Variants in UTRN observed in about 807,000 individuals in gnomAD.
UTRN encodes dystrophin-related protein 1.
Under a neutral mutation model 463.9 loss-of-function variants are expected in UTRN, and 283 were observed. The ratio of observed to expected loss-of-function variants is 0.61; its 90% confidence interval spans 0.55 to 0.67. The LOEUF (loss-of-function observed/expected upper bound fraction) is 0.67. Ranked by LOEUF, UTRN falls within the 30% of genes least tolerant of loss-of-function variation. The pLI is 0.00. For synonymous variants in UTRN, 1,442 were observed against 1,431.5 expected, an observed-to-expected ratio of 1.01 and a Z score of -0.17; for missense variants, 3,922 against 4,084.3, an observed-to-expected ratio of 0.96 and a Z score of 1.08.
chr6:144,576,305 G>T (rs772061256), intron 50 of UTRN, among the ~76,000 whole-genome samples: 1 of 152,036 alleles, frequency 6.6e-6, no homozygotes, highest in Non-Finnish European at 1.5e-5. Context: ...TTTTAAAATT[G>T]AGTTGTTTTC....
chr6:144,490,890 A>G, intron 31 of UTRN, 39 bp from the exon 32 acceptor site: 1 of 1,528,326 alleles, frequency 6.5e-7, no homozygotes, highest in Non-Finnish European at 8.8e-7. Flanking sequence ...AGAGATAATC[A>G]TCCTGATGGG....
At chr6:144,357,727 C>T (rs1006697626) in intron 2 of UTRN, among the ~76,000 whole-genome samples, 2 of 152,172 alleles carry the variant, frequency 1.3e-5, no homozygotes, top group Non-Finnish European at 2.9e-5. Flanking sequence ...CCTTTGAATC[C>T]ACGTAGGTGT....
chr6:144,708,846 C>T (rs915458345), intron 53 of UTRN, among the ~76,000 whole-genome samples: 9 of 152,056 alleles, frequency 5.9e-5, no homozygotes, highest in East Asian at 3.9e-4. Context: ...GTTCCAGAGG[C>T]GGGGAAGTTC....
chr6:144,719,108 C>T (rs1319845202), intron 53 of UTRN, among the ~76,000 whole-genome samples: 1 of 152,212 alleles, frequency 6.6e-6, no homozygotes, highest in East Asian at 1.9e-4. Context: ...CTTCCACAGA[C>T]CTACTTTGTA....
intron 42 of UTRN, among the ~76,000 whole-genome samples, chr6:144,532,712 A>AT (rs1056521383): frequency 7.2e-5 from 11 of 152,188 alleles, no homozygotes; most frequent in African/African-American, 2.7e-4. Flanking sequence ...GGGGTATATA[A>AT]TTTTTTAAAG....
At chr6:144,658,502 A>G (rs1039483831) in intron 51 of UTRN, among the ~76,000 whole-genome samples, 1 of 152,192 alleles carries the variant, frequency 6.6e-6, no homozygotes, top group Non-Finnish European at 1.5e-5. Context: ...TAAGCAACTC[A>G]TTAGCCCTTT....
At chr6:144,477,947 T>C (rs966173373) in intron 25 of UTRN, among the ~76,000 whole-genome samples, 2 of 152,092 alleles carry the variant, frequency 1.3e-5, no homozygotes, top group African/African-American at 4.8e-5. Context: ...AAATAATTCA[T>C]TGTGAATTAC....
chr6:144,481,352 C>T (rs118065548), intron 26 of UTRN, among the ~76,000 whole-genome samples: 2,160 of 152,264 alleles, frequency 0.014, 32 homozygotes, highest in African/African-American at 0.033. Context: ...TCCTGAATGT[C>T]AGATTGTTTA....
rs182750039 is a variant in UTRN, at chr6:144,514,544, G to A, written c.5074-106G>A. ...TGATTATGCTGAAATCTCTTACTGGGGATCCCAGATATTTATTTAAACTAC... is the reference window on the plus strand; with the variant it reads ...TGATTATGCTGAAATCTCTTACTGGAGATCCCAGATATTTATTTAAACTAC... On this transcript the variant is annotated intron_variant, in intron 36 of 74. Transcript: ENST00000367545. The A allele has an allele frequency of 6.4e-5, 77 of 1,196,016 alleles. 1 individual carries two copies. In the Admixed American group the frequency reaches 1.6e-3, roughly 25 times the overall value. The allele number at this position is 1,196,016 out of a possible 1,614,324, so 74.1% of individuals were successfully genotyped here.
chr6:144,331,461 T>C (rs1315811295), intron 2 of UTRN, among the ~76,000 whole-genome samples: 1 of 152,210 alleles, frequency 6.6e-6, no homozygotes, highest in Admixed American at 6.5e-5. Context: ...GTGTCTGTTG[T>C]ATGAAAGTCA....
intron 50 of UTRN, among the ~76,000 whole-genome samples, chr6:144,563,922 C>T (rs753040937): frequency 1.8e-4 from 27 of 152,144 alleles, no homozygotes; most frequent in Non-Finnish European, 2.9e-4. Flanking sequence ...GATATTTTCT[C>T]AGCACATTTA....
intron 59 of UTRN, among the ~76,000 whole-genome samples, chr6:144,772,515 G>A (rs933949112): frequency 3.9e-5 from 6 of 152,152 alleles, no homozygotes; most frequent in African/African-American, 1.4e-4. Context: ...TTGATTTACA[G>A]GGAGGAATGT....
At chr6:144,661,719 C>A (rs773721154) in intron 51 of UTRN, among the ~76,000 whole-genome samples, 1 of 152,016 alleles carries the variant, frequency 6.6e-6, no homozygotes, top group Non-Finnish European at 1.5e-5. Flanking sequence ...TTACTTAGAC[C>A]CCCTGAGAGG....
chr6:144,840,672 T>C (rs1219771649), intron 72 of UTRN, 68 bp from the exon 73 acceptor site: 22 of 1,555,974 alleles, frequency 1.4e-5, no homozygotes, highest in Non-Finnish European at 1.9e-5. Context: ...CCTCCTGAAT[T>C]TGGGTTTTAG....
intron 51 of UTRN, among the ~76,000 whole-genome samples, chr6:144,643,429 G>A (rs564793770): frequency 7.2e-5 from 11 of 152,196 alleles, no homozygotes; most frequent in Admixed American, 2.6e-4. Flanking sequence ...TCCTGTAAGA[G>A]AGTAGGTTGT....
chr6:144,707,823 G>A (rs1785241274), intron 53 of UTRN, among the ~76,000 whole-genome samples: 1 of 152,150 alleles, frequency 6.6e-6, no homozygotes, highest in Non-Finnish European at 1.5e-5. Flanking sequence ...CTAGGCATTT[G>A]TGTAAGAGTG....
At chr6:144,686,195 CAGTT>C (rs1463570490) in intron 52 of UTRN, among the ~76,000 whole-genome samples, 2 of 152,022 alleles carry the variant, frequency 1.3e-5, no homozygotes, top group Non-Finnish European at 1.5e-5. Context: ...TTGTCAAAAT[CAGTT>C]GGTTGTAAGT....
intron 3 of UTRN, 121 bp downstream of exon 3, chr6:144,403,305 G>A (rs939109409): frequency 2.5e-6 from 2 of 797,868 alleles, no homozygotes; most frequent in Non-Finnish European, 2.1e-6. Context: ...TTCTGAGTAT[G>A]CAGATACATT....
In UTRN at chr6:144,428,811, A is replaced by G. The variant is rs756709242; in HGVS notation, c.612A>G (p.Lys204=). 15 of 1,611,058 alleles carry G rather than the reference A, an allele frequency of 9.3e-6. No individual in the cohort carries two copies. Among genetic ancestry groups the G allele is most frequent in the Non-Finnish European group, 1.3e-5 (15 of 1,179,218 alleles). ...TCTTCAGCTGGGATAAAGTTGTCAAAATGTCACCAATTGAGAGACTTGAAC... is the reference window on the plus strand; with the variant it reads ...TCTTCAGCTGGGATAAAGTTGTCAAGATGTCACCAATTGAGAGACTTGAAC... ...PDLFSWDKVV[K]MSPIERLEHA... Residue 204 remains lysine (K), a synonymous_variant, in exon 8 of 75, where the codon AAA becomes AAG. Coordinates refer to ENST00000367545, the MANE Select transcript of UTRN (RefSeq NM_007124.3).
Sources: allele counts gnomAD v4.1 joint callset (sites outside exome capture counted in the v4.1 genomes callset), GRCh38; gene constraint gnomAD v4.1.1; transcripts MANE v1.5; gene names NCBI Gene and HGNC (gene_info 2026-07-23, HGNC 2026-07-21).